ODAD2: variants seen among roughly 807,000 people sequenced by gnomAD.
ODAD2 encodes the protein outer dynein arm docking complex subunit 2.
In ODAD2, 89 loss-of-function variants were observed where a neutral mutation model predicts 106.8. That is an observed-to-expected ratio of 0.83 (90% CI 0.70 to 0.99). ODAD2 has a LOEUF of 0.99. Ranked by LOEUF, ODAD2 falls within the 50% of genes least tolerant of loss-of-function variation. The probability of loss-of-function intolerance (pLI) is 0.00; values close to 1 mark genes in which losing one functional copy is unlikely to be tolerated. For missense variants in ODAD2, 1,168 were observed against 1,238.5 expected (o/e 0.94, Z 0.85); for synonymous variants, 404 against 436.2 (o/e 0.93, Z 0.92).
At chr10:27,864,854 A>G (rs527899122) in intron 17 of ODAD2, among the ~76,000 whole-genome samples, 5 of 145,964 alleles carry the variant, frequency 3.4e-5, no homozygotes, top group African/African-American at 1.1e-4. Flanking sequence ...CGCACTTCAC[A>G]TAAGTTATTT....
chr10:27,902,775 A>G (rs1843304129), intron 17 of ODAD2, among the ~76,000 whole-genome samples: 1 of 152,174 alleles, frequency 6.6e-6, no homozygotes, highest in Non-Finnish European at 1.5e-5. Context: ...GAATAGACCA[A>G]TAACAAGTTC....
intron 12 of ODAD2, among the ~76,000 whole-genome samples, chr10:27,941,677 GT>G (rs1416738601): frequency 6.9e-6 from 1 of 145,656 alleles, no homozygotes; most frequent in Non-Finnish European, 1.5e-5. Flanking sequence ...GGATTAAGCA[GT>G]ATGTCAGGTT....
rs1032612529 is a variant in ODAD2 at position 27,971,274 on chromosome 10, G to C, written c.976C>G (p.Gln326Glu). Residue 326 changes from glutamine (Q) to glutamate (E), a missense_variant, in exon 8 of 20, where the codon CAG becomes GAG. By Grantham distance (29) the Gln-to-Glu change is conservative (BLOSUM62 2). Coordinates refer to ENST00000305242, the MANE Select transcript of ODAD2 (RefSeq NM_018076.5). The stretch of plus-strand genomic sequence containing the variant: ...TCCTTCTTGGGGGCTTTGCCAAGCT[G>C]ATCCTTTTCCTTTTGCTGGTCTTCA... ...FSEDQQKEKD[Q>E]LGKAPKKEEA... The C allele has an allele frequency of 2.5e-6, 4 of 1,612,362 alleles. No individual in the cohort carries two copies. The highest frequency in any genetic ancestry group is 1.3e-5 in the African/African-American group (1 of 74,786).
intron 16 of ODAD2, among the ~76,000 whole-genome samples, chr10:27,911,553 T>G (rs543927517): frequency 6.6e-6 from 1 of 152,140 alleles, no homozygotes; most frequent in East Asian, 1.9e-4. Flanking sequence ...GAGTTTCACA[T>G]GAACACAGAC....
chr10:27,940,491 A>G (rs1027085964), intron 13 of ODAD2, 72 bp downstream of exon 13: 10 of 1,566,352 alleles, frequency 6.4e-6, no homozygotes, highest in Non-Finnish European at 8.7e-6. Context: ...CATCATGATA[A>G]CCTTAGAAAC....
intron 16 of ODAD2, among the ~76,000 whole-genome samples, chr10:27,927,190 C>T (rs938357820): frequency 1.3e-5 from 2 of 151,994 alleles, no homozygotes; most frequent in Non-Finnish European, 2.9e-5. Flanking sequence ...TTTCTTATTC[C>T]TACTGAGAAA....
intron 19 of ODAD2, among the ~76,000 whole-genome samples, chr10:27,852,124 T>C (rs74127132): frequency 6.6e-6 from 1 of 152,190 alleles, no homozygotes; most frequent in Non-Finnish European, 1.5e-5. Context: ...TTTTTAGATA[T>C]ATAAGACCTG....
At chr10:27,951,553 A>G (rs1847326182) in intron 10 of ODAD2, among the ~76,000 whole-genome samples, 1 of 152,148 alleles carries the variant, frequency 6.6e-6, no homozygotes, top group Non-Finnish European at 1.5e-5. Flanking sequence ...TCCTCTAGAG[A>G]AAAAGAAGTG....
intron 16 of ODAD2, among the ~76,000 whole-genome samples, chr10:27,925,127 G>A (rs572367720): frequency 6.6e-6 from 1 of 152,048 alleles, no homozygotes; most frequent in African/African-American, 2.4e-5. Context: ...TTACAAAAAT[G>A]CTAAATATTA....
At chr10:27,842,591 A>G (rs74511112) in intron 19 of ODAD2, among the ~76,000 whole-genome samples, 2 of 152,206 alleles carry the variant, frequency 1.3e-5, no homozygotes, top group Non-Finnish European at 2.9e-5. Context: ...ATTCAAAAAC[A>G]TATAAATGTC....
At chr10:27,945,582 T>C (rs1044648353) in intron 10 of ODAD2, among the ~76,000 whole-genome samples, 17 of 152,164 alleles carry the variant, frequency 1.1e-4, no homozygotes, top group African/African-American at 4.1e-4. Context: ...CAAACCAATG[T>C]CTTCTTGGTG....
At chr10:27,829,470 T>TA in intron 19 of ODAD2, among the ~76,000 whole-genome samples, 1 of 152,348 alleles carries the variant, frequency 6.6e-6, no homozygotes, top group East Asian at 1.9e-4. Context: ...GAGTCTGTCT[T>TA]GTCATTTGCT....
At chr10:27,996,079 G>A (rs935868167) in intron 1 of ODAD2, among the ~76,000 whole-genome samples, 7 of 152,174 alleles carry the variant, frequency 4.6e-5, no homozygotes, top group Non-Finnish European at 7.4e-5. Context: ...AATCTGTAAC[G>A]TTAAATAAGA....
intron 10 of ODAD2, among the ~76,000 whole-genome samples, chr10:27,955,804 G>A (rs1250889461): frequency 6.7e-6 from 1 of 150,372 alleles, no homozygotes; most frequent in African/African-American, 2.4e-5. Flanking sequence ...TTTAACAAAG[G>A]TTTTCAAGTC....
chr10:27,966,008 A>G (rs78543332), intron 9 of ODAD2, among the ~76,000 whole-genome samples: 4,416 of 152,214 alleles, frequency 0.029, 71 homozygotes, highest in Non-Finnish European at 0.046. Flanking sequence ...CTCGTCCATA[A>G]AAGTCTTTTC....
At position 27,995,107 on chromosome 10, in the gene ODAD2, A is replaced by C. The variant is rs762164748; in HGVS notation, c.36T>G (p.Thr12=). ...GGATTCCAGTTCCATGTCCGGCAGC[A>C]GTCCACTGCGTCAATTTCCTCAGAG... ...GVALRKLTQW[T]AAGHGTGILE... Residue 12 remains threonine (T), a synonymous_variant, in exon 2 of 20, where the codon ACT becomes ACG. Transcript: ENST00000305242. 1.2e-6 allele frequency: 2 copies of C among 1,614,192 alleles called. No homozygotes were observed. The highest frequency in any genetic ancestry group is 1.7e-6 in the Non-Finnish European group (2 of 1,180,046).
Position 27,935,111 on chromosome 10 carries a change from GCCA to G in ODAD2, c.2391_2393del (p.Gly798del). On this transcript the variant is annotated inframe_deletion, in exon 16 of 20. Coordinates refer to ENST00000305242, the MANE Select transcript of ODAD2 (RefSeq NM_018076.5). Reference sequence around the variant, plus strand: ...CAAGGAGGTTCACAAGTGGTTGAATGCCACCACATTTCCGGACAATGACTCGGT... The same window carrying G: ...CAAGGAGGTTCACAAGTGGTTGAATGCCACATTTCCGGACAATGACTCGGT... 1.2e-6 allele frequency: 2 copies of G among 1,613,972 alleles called. No homozygotes were observed.
At chr10:27,995,870 A>G (rs1169969432) in intron 1 of ODAD2, 1 of 152,254 alleles carries the variant, frequency 6.6e-6, no homozygotes, top group Admixed American at 6.5e-5. Flanking sequence ...TGCCCAGATG[A>G]CATTTTACTG....
intron 14 of ODAD2, among the ~76,000 whole-genome samples, chr10:27,937,665 G>A (rs773256681): frequency 6.6e-6 from 1 of 152,134 alleles, no homozygotes; most frequent in Non-Finnish European, 1.5e-5. Context: ...GCACACAGAT[G>A]TTTTCTGATG....
Sources: allele counts gnomAD v4.1 joint callset (sites outside exome capture counted in the v4.1 genomes callset), GRCh38; gene constraint gnomAD v4.1.1; transcripts MANE v1.5; gene names NCBI Gene and HGNC (gene_info 2026-07-23, HGNC 2026-07-21).